The following LRRC4C variants were observed in gnomAD, a reference collection of about 807,000 sequenced individuals.
LRRC4C encodes the protein leucine rich repeat containing 4C.
LRRC4C carries 5 observed loss-of-function variants against 33.6 expected under a neutral mutation model. That is an observed-to-expected ratio of 0.15 (90% CI 0.08 to 0.31). The LOEUF is 0.31. Ranked by LOEUF, LRRC4C falls within the 10% of genes least tolerant of loss-of-function variation. LRRC4C has a pLI of 1.00. For synonymous variants in LRRC4C, 329 were observed against 302.0 expected (o/e 1.09, Z -0.93); for missense variants, 560 against 796.7 (o/e 0.70, Z 3.58).
chr11:40,196,476 T>C (rs528439180), intron 5 of LRRC4C, among the ~76,000 whole-genome samples: 3 of 152,348 alleles, frequency 2.0e-5, no homozygotes, highest in South Asian at 4.1e-4. Context: ...GACAGTCTCT[T>C]GTTTGTTACC....
At chr11:40,485,841 C>A (rs1027172119) in intron 3 of LRRC4C, among the ~76,000 whole-genome samples, 1 of 151,836 alleles carries the variant, frequency 6.6e-6, no homozygotes, top group Non-Finnish European at 1.5e-5. Context: ...TGAGATCATG[C>A]CCTTTGCAGT....
chr11:40,736,897 T>TAG (rs1260192847), intron 2 of LRRC4C, among the ~76,000 whole-genome samples: 3 of 151,438 alleles, frequency 2.0e-5, no homozygotes, highest in African/African-American at 7.3e-5. Flanking sequence ...AAGTTCTTTG[T>TAG]ATATTCTGGA....
intron 3 of LRRC4C, among the ~76,000 whole-genome samples, chr11:40,633,225 T>C (rs1398612362): frequency 6.6e-6 from 1 of 152,128 alleles, no homozygotes; most frequent in Non-Finnish European, 1.5e-5. Context: ...GAAATATATA[T>C]GTGTATACAC....
chr11:41,193,528 G>C (rs903774013), intron 1 of LRRC4C, among the ~76,000 whole-genome samples: 2 of 152,120 alleles, frequency 1.3e-5, no homozygotes, highest in Non-Finnish European at 1.5e-5. Context: ...TATTCTTGTT[G>C]GAGAAACTGT....
intron 1 of LRRC4C, among the ~76,000 whole-genome samples, chr11:41,064,013 C>A (rs1335052317): frequency 1.3e-5 from 2 of 152,078 alleles, no homozygotes; most frequent in Non-Finnish European, 2.9e-5. Flanking sequence ...ATGACAAGAT[C>A]CCAGTTAAAG....
chr11:40,376,739 GTGTGTGTA>G (rs904136113), intron 3 of LRRC4C, among the ~76,000 whole-genome samples: 1 of 152,002 alleles, frequency 6.6e-6, no homozygotes, highest in African/African-American at 2.4e-5. Flanking sequence ...GTGTGTGTGT[GTGTGTGTA>G]TGTGTATGTG....
chr11:41,238,824 C>G (rs1948127836), intron 1 of LRRC4C, among the ~76,000 whole-genome samples: 1 of 152,072 alleles, frequency 6.6e-6, no homozygotes, highest in Admixed American at 6.5e-5. Context: ...CGATCTTGGA[C>G]AAAGGTTATC....
At chr11:40,159,404 T>G (rs1364040005) in intron 5 of LRRC4C, among the ~76,000 whole-genome samples, 2 of 152,110 alleles carry the variant, frequency 1.3e-5, no homozygotes, top group Non-Finnish European at 2.9e-5. Context: ...AAAAATGCAA[T>G]AAGAGCCCTT....
intron 1 of LRRC4C, among the ~76,000 whole-genome samples, chr11:41,449,629 C>T (rs949362881): frequency 1.3e-5 from 2 of 152,046 alleles, no homozygotes; most frequent in Non-Finnish European, 2.9e-5. Flanking sequence ...CCTATCTCTG[C>T]TCTCATCAGG....
chr11:41,389,639 C>CAAAAAAA (rs56194204), intron 1 of LRRC4C, among the ~76,000 whole-genome samples: 21,305 of 80,918 alleles, frequency 0.26, 3,155 homozygotes, highest in South Asian at 0.34. Context: ...CAGTGAGCAG[C>CAAAAAAA]AAAAAAAAAA....
chr11:40,444,218 A>G (rs1050838050), intron 3 of LRRC4C, among the ~76,000 whole-genome samples: 4 of 152,142 alleles, frequency 2.6e-5, no homozygotes, highest in African/African-American at 9.7e-5. Context: ...CAGAGGGCTT[A>G]TGTAAATTCC....
chr11:40,886,548 C>T (rs891465353), intron 2 of LRRC4C, among the ~76,000 whole-genome samples: 2 of 151,622 alleles, frequency 1.3e-5, no homozygotes, highest in Admixed American at 1.3e-4. Context: ...AGGGAGTTCT[C>T]TCTTTTTTTT....
At chr11:41,321,115 C>T (rs538911122) in intron 1 of LRRC4C, among the ~76,000 whole-genome samples, 15 of 152,122 alleles carry the variant, frequency 9.9e-5, no homozygotes, top group Non-Finnish European at 1.5e-4. Flanking sequence ...TTAAACTAGG[C>T]CCACTAATAA....
intron 1 of LRRC4C, among the ~76,000 whole-genome samples, chr11:41,378,647 T>A (rs1838944): frequency 0.74 from 112,370 of 151,422 alleles, 42,278 homozygotes; most frequent in African/African-American, 0.86. Context: ...AAGATTTTAA[T>A]CACTTATTAG....
chr11:40,324,194 G>A (rs1414707214), intron 3 of LRRC4C, among the ~76,000 whole-genome samples: 3 of 152,346 alleles, frequency 2.0e-5, no homozygotes, highest in South Asian at 2.1e-4. Flanking sequence ...ATGATAAGGA[G>A]TTTGGACATG....
At chr11:40,902,560 G>T (rs1956252139) in intron 2 of LRRC4C, among the ~76,000 whole-genome samples, 1 of 152,134 alleles carries the variant, frequency 6.6e-6, no homozygotes, top group Non-Finnish European at 1.5e-5. Flanking sequence ...AGCCAGCCCA[G>T]ATAGGCCAAA....
intron 1 of LRRC4C, among the ~76,000 whole-genome samples, chr11:41,085,026 C>T (rs1027052366): frequency 6.6e-6 from 1 of 152,132 alleles, no homozygotes; most frequent in Non-Finnish European, 1.5e-5. Context: ...CCAATATTAG[C>T]CAAGATCGAC....
chr11:40,372,248 AGAACTCTCTGGACG>A (rs1225950186), intron 3 of LRRC4C, among the ~76,000 whole-genome samples: 1 of 152,226 alleles, frequency 6.6e-6, no homozygotes, highest in Admixed American at 6.5e-5. Context: ...TGGTGAAGGA[AGAACTCTCTGGACG>A]GCAGCATCAA....
At chr11:41,179,618 T>G (rs185413179) in intron 1 of LRRC4C, among the ~76,000 whole-genome samples, 7 of 152,356 alleles carry the variant, frequency 4.6e-5, no homozygotes, top group Admixed American at 6.5e-5. Context: ...TTTGGTTCAC[T>G]TAACATTGTT....
Sources: gnomAD v4.1 joint callset for allele counts (sites outside exome capture counted in the v4.1 genomes callset) on GRCh38, gnomAD v4.1.1 for gene constraint, MANE v1.5 for transcripts, NCBI Gene and HGNC (gene_info 2026-07-23, HGNC 2026-07-21) for gene names.